MAGT1: variants seen among roughly 807,000 people sequenced by gnomAD.
The protein encoded by MAGT1 is dolichyl-diphosphooligosaccharide--protein glycosyltransferase subunit MAGT1.
A neutral mutation model predicts 28.4 loss-of-function variants in MAGT1; 4 were observed. The ratio of observed to expected loss-of-function variants is 0.14; its 90% CI spans 0.07 to 0.32. MAGT1 has a LOEUF of 0.32. Ranked by LOEUF, MAGT1 falls within the 10% of genes least tolerant of loss-of-function variation. The probability of loss-of-function intolerance (pLI) is 1.00; values close to 1 mark genes in which losing one functional copy is unlikely to be tolerated. For missense variants in MAGT1, 193 were observed against 264.5 expected, an observed-to-expected ratio of 0.73 and a Z score of 1.88; for synonymous variants, 89 against 89.7, an observed-to-expected ratio of 0.99 and a Z score of 0.04.
intron 4 of MAGT1, 121 bp from the exon 5 acceptor site, chrX:77,856,994 C>A: frequency 1.6e-6 from 1 of 641,085 alleles, no homozygotes; most frequent in Non-Finnish European, 2.4e-6. Context: ...GAAAAATGAT[C>A]CTTTTTATGT....
intron 8 of MAGT1, among the ~76,000 whole-genome samples, chrX:77,831,463 C>G (rs1420245257): frequency 8.9e-6 from 1 of 111,885 alleles, no homozygotes; most frequent in African/African-American, 3.2e-5. Context: ...AATAGAGTAA[C>G]TCCTTTACAT....
At chrX:77,855,291 C>T (rs1250516742) in intron 6 of MAGT1, among the ~76,000 whole-genome samples, 1 of 108,140 alleles carries the variant, frequency 9.2e-6, no homozygotes, top group African/African-American at 3.4e-5. Context: ...CCAGCCTGGG[C>T]AACAAGAGCA....
chrX:77,836,236 G>C (rs1448715101), intron 8 of MAGT1, among the ~76,000 whole-genome samples: 1 of 111,287 alleles, frequency 9.0e-6, no homozygotes, highest in Non-Finnish European at 1.9e-5. Context: ...CCAGAGGCTG[G>C]GAACGGTAGT....
At chrX:77,843,046 C>G (rs2076940258) in intron 7 of MAGT1, among the ~76,000 whole-genome samples, 1 of 111,508 alleles carries the variant, frequency 9.0e-6, no homozygotes, top group Admixed American at 9.6e-5. Flanking sequence ...TTAGTGAATA[C>G]TAACAGCAGT....
chrX:77,884,778 A>G (rs1435672990), intron 1 of MAGT1, among the ~76,000 whole-genome samples: 1 of 106,669 alleles, frequency 9.4e-6, no homozygotes, highest in Non-Finnish European at 1.9e-5. Context: ...CAATCCCACA[A>G]TATTGTTCTT....
At chrX:77,854,250 T>C (rs1603361477) in intron 6 of MAGT1, among the ~76,000 whole-genome samples, 1 of 111,582 alleles carries the variant, frequency 9.0e-6, no homozygotes, top group South Asian at 3.8e-4. Context: ...TCATAGCTCA[T>C]TGCAATCCCA....
chrX:77,830,125 C>T lies in MAGT1; in HGVS notation c.992+680G>A, dbSNP rs182749755. On this transcript the variant is annotated intron_variant, in intron 9 of 9. Transcript: ENST00000618282. ...TCGCTTGATGCCAGAAGTTCAAGAC[C>T]AGCCTGGGTAACATAGCAAGACCCT... Among the ~76,000 whole-genome samples the T allele has an allele frequency of 2.2e-3, 252 of 112,135 alleles. 1 individual carries two copies. Among genetic ancestry groups the T allele is most frequent in the Admixed American group, 4.0e-3 (42 of 10,523 alleles).
intron 1 of MAGT1, among the ~76,000 whole-genome samples, chrX:77,883,062 AATAAT>A (rs1185816634): frequency 0.013 from 1,329 of 101,287 alleles, 10 homozygotes; most frequent in Non-Finnish European, 0.019. Context: ...ATATTAATAT[AATAAT>A]ATAATATAAT....
chrX:77,839,872 C>T (rs1371531945), intron 8 of MAGT1, among the ~76,000 whole-genome samples: 1 of 109,885 alleles, frequency 9.1e-6, no homozygotes, highest in African/African-American at 3.3e-5. Context: ...GCCTCGAACT[C>T]CTGACCTCAA....
intron 1 of MAGT1, among the ~76,000 whole-genome samples, chrX:77,882,519 T>C (rs1296439542): frequency 8.9e-6 from 1 of 111,786 alleles, no homozygotes; most frequent in Non-Finnish European, 1.9e-5. Context: ...CAGTAACAGG[T>C]ATTTACACAG....
chrX:77,862,535 A>C (rs2076997340), intron 3 of MAGT1, among the ~76,000 whole-genome samples: 1 of 111,984 alleles, frequency 8.9e-6, no homozygotes, highest in African/African-American at 3.2e-5. Flanking sequence ...AAAACAAAAA[A>C]AATTCAAATC....
chrX:77,858,431 T>TC (rs1207711820), intron 3 of MAGT1, among the ~76,000 whole-genome samples: 1 of 110,900 alleles, frequency 9.0e-6, no homozygotes, highest in African/African-American at 3.3e-5. Flanking sequence ...CTGCAAATGA[T>TC]CCCCCCGCCT....
rs1557219582 is a variant in MAGT1 at position 77,892,566 on chromosome X, G to C, written c.102+2743C>G. Among the ~76,000 whole-genome samples the C allele has an allele frequency of 4.5e-5, 5 of 111,166 alleles. No homozygotes were observed. In the Admixed American group the frequency reaches 4.8e-4, roughly 11 times the overall value. ...AATCCCAGCACTTTGGGAGGCCAAG[G>C]TGGGTAGATCACTTGAGTCCAGGAG... On this transcript the variant is annotated intron_variant, in intron 1 of 9. Coordinates refer to ENST00000618282, the MANE Select transcript of MAGT1 (RefSeq NM_001367916.1).
At chrX:77,861,012 C>A (rs1557216430) in intron 3 of MAGT1, among the ~76,000 whole-genome samples, 2 of 109,359 alleles carry the variant, frequency 1.8e-5, no homozygotes, top group Non-Finnish European at 3.8e-5. Context: ...CCCGCCCCTA[C>A]TAAAAATATG....
At chrX:77,877,876 C>T (rs5913420) in intron 1 of MAGT1, among the ~76,000 whole-genome samples, 1,034 of 37,581 alleles carry the variant, frequency 0.028, 53 homozygotes, top group East Asian at 0.068. Flanking sequence ...ATAAAATATA[C>T]TGACAATATC....
chrX:77,867,122 T>C lies in MAGT1; in HGVS notation c.390+3686A>G, dbSNP rs782217560. ...CTCCAGTCTCCCACAAAGCTGGCTG[T>C]GCATGAAATACTTTCTCTATTGCAA... On this transcript the variant is annotated intron_variant, in intron 3 of 9. Transcript: ENST00000618282. Among the ~76,000 whole-genome samples, 22 of 66,887 alleles carry C rather than the reference T, an allele frequency of 3.3e-4. 4 individuals carry two copies. The highest frequency in any genetic ancestry group is 7.6e-4 in the African/African-American group (22 of 28,771). 58.1% of individuals were successfully genotyped at this position (66,887 alleles called of 115,157 possible).
At chrX:77,872,561 T>C (rs1031697353) in intron 2 of MAGT1, among the ~76,000 whole-genome samples, 1 of 111,601 alleles carries the variant, frequency 9.0e-6, no homozygotes, top group Non-Finnish European at 1.9e-5. Context: ...TAACCTTTAG[T>C]CCCAATATTT....
At chrX:77,840,279 C>CA (rs1165439150) in intron 8 of MAGT1, among the ~76,000 whole-genome samples, 3 of 100,222 alleles carry the variant, frequency 3.0e-5, no homozygotes, top group Admixed American at 2.2e-4. Flanking sequence ...CCCCAAAAAA[C>CA]AAAAAAACTA....
intron 7 of MAGT1, among the ~76,000 whole-genome samples, chrX:77,844,910 T>C (rs1299753902): frequency 1.8e-5 from 2 of 111,828 alleles, no homozygotes; most frequent in Non-Finnish European, 3.8e-5. Context: ...CTGCAAAGAA[T>C]GTATATTCTG....
Sources: gnomAD v4.1 joint callset for allele counts (sites outside exome capture counted in the v4.1 genomes callset) on GRCh38, gnomAD v4.1.1 for gene constraint, MANE v1.5 for transcripts, NCBI Gene and HGNC (gene_info 2026-07-23, HGNC 2026-07-21) for gene names.